LOC128125822: variants seen among roughly 807,000 people sequenced by gnomAD.
the LOC128125822 span, among the ~76,000 whole-genome samples, chr6:63,575,302 T>C: frequency 6.6e-6 from 1 of 152,210 alleles, no homozygotes; most frequent in East Asian, 1.9e-4. Flanking sequence ...GAATTACTGC[T>C]CTTGTTAACC....
At chr6:63,572,826 G>C in the LOC128125822 span, 76 of 395,936 alleles carry the variant, frequency 1.9e-4, 1 homozygote, top group East Asian at 2.6e-3. Flanking sequence ...AGGTTGCCCC[G>C]GGTTGCGGTT....
chr6:63,577,987 C>G, the LOC128125822 span, among the ~76,000 whole-genome samples: 4 of 98,806 alleles, frequency 4.0e-5, no homozygotes, highest in African/African-American at 2.6e-4. Context: ...AGACTTCATT[C>G]AATGTAAATC....
chr6:63,578,781 T>C, the LOC128125822 span: 1 of 1,176,410 alleles, frequency 8.5e-7, no homozygotes, highest in Non-Finnish European at 1.1e-6. Flanking sequence ...TTAATAAGAT[T>C]TGATTAAACA....
At chr6:63,577,015 A>G in the LOC128125822 span, 1 of 1,531,996 alleles carries the variant, frequency 6.5e-7, no homozygotes, top group Non-Finnish European at 9.0e-7. Context: ...AGTAGCTTAA[A>G]TTGATTGCAA....
chr6:63,583,307 T>G, the LOC128125822 span: 1 of 152,216 alleles, frequency 6.6e-6, no homozygotes. Flanking sequence ...CTTGCTTCCT[T>G]AAATTAATAT....
At chr6:63,575,303 C>A in the LOC128125822 span, among the ~76,000 whole-genome samples, 1 of 152,160 alleles carries the variant, frequency 6.6e-6, no homozygotes, top group Non-Finnish European at 1.5e-5. Flanking sequence ...AATTACTGCT[C>A]TTGTTAACCT....
the LOC128125822 span, chr6:63,572,848 C>T: frequency 5.1e-6 from 2 of 393,616 alleles, no homozygotes; most frequent in Admixed American, 4.4e-5. Flanking sequence ...CGGTGGGTCC[C>T]GGGTGGGAGC....
chr6:63,579,367 T>C, the LOC128125822 span: 3 of 1,489,686 alleles, frequency 2.0e-6, no homozygotes, highest in Admixed American at 1.9e-5. Flanking sequence ...TGTACTCTCT[T>C]TCATTTCCTT....
At chr6:63,581,720 G>A in the LOC128125822 span, 1 of 152,090 alleles carries the variant, frequency 6.6e-6, no homozygotes, top group South Asian at 2.1e-4. Context: ...ATGTATAGTA[G>A]AGGACAGCCT....
At chr6:63,581,690 T>C in the LOC128125822 span, 1 of 152,180 alleles carries the variant, frequency 6.6e-6, no homozygotes. Flanking sequence ...CAATTTATTA[T>C]TGTGTACTGA....
the LOC128125822 span, chr6:63,579,417 A>C: frequency 1.1e-6 from 1 of 911,558 alleles, no homozygotes; most frequent in Admixed American, 2.9e-5. Flanking sequence ...TAGCCCATTT[A>C]ATCATTATGA....
At chr6:63,574,557 C>T in the LOC128125822 span, among the ~76,000 whole-genome samples, 3 of 152,164 alleles carry the variant, frequency 2.0e-5, no homozygotes, top group Non-Finnish European at 4.4e-5. Flanking sequence ...AGTTCTTTCT[C>T]TGCTTCCTGA....
the LOC128125822 span, chr6:63,583,392 T>C: frequency 1.3e-5 from 2 of 152,202 alleles, no homozygotes; most frequent in Non-Finnish European, 2.9e-5. Flanking sequence ...AAAAGTGACA[T>C]TTAATGTTTC....
chr6:63,577,033 G>A, the LOC128125822 span: 1 of 1,438,464 alleles, frequency 7.0e-7, no homozygotes, highest in Non-Finnish European at 9.7e-7. Context: ...CAATATAATA[G>A]TGGGACTTAT....
chr6:63,581,477 A>G, the LOC128125822 span: 1 of 152,608 alleles, frequency 6.6e-6, no homozygotes, highest in Admixed American at 6.5e-5. Context: ...TTTGCTTAAA[A>G]TTAACTTATT....
chr6:63,573,023 G>A, the LOC128125822 span, among the ~76,000 whole-genome samples: 8 of 152,096 alleles, frequency 5.3e-5, 1 homozygote, highest in South Asian at 1.7e-3. Flanking sequence ...TTCTGCGGCG[G>A]CCGGGGGCAG....
chr6:63,576,781 G>C, the LOC128125822 span: 2 of 869,696 alleles, frequency 2.3e-6, no homozygotes, highest in Non-Finnish European at 3.6e-6. Flanking sequence ...AATTTCAAGT[G>C]GAGTATATTG....
At chr6:63,576,122 ATAAC>A in the LOC128125822 span, among the ~76,000 whole-genome samples, 15 of 150,160 alleles carry the variant, frequency 1.0e-4, no homozygotes, top group African/African-American at 3.6e-4. Flanking sequence ...TACAGAGAAT[ATAAC>A]TAGATAGAAT....
the LOC128125822 span, among the ~76,000 whole-genome samples, chr6:63,579,831 C>T: frequency 1.3e-5 from 2 of 152,018 alleles, no homozygotes; most frequent in Admixed American, 6.6e-5. Flanking sequence ...ATTTGTGAGT[C>T]GACTGTTGTA....
Sources: gnomAD v4.1 joint callset for allele counts (sites outside exome capture counted in the v4.1 genomes callset) on GRCh38, gnomAD v4.1.1 for gene constraint, MANE v1.5 for transcripts.